The following MRPS5 variants were observed in gnomAD, a reference collection of about 807,000 sequenced individuals.
MRPS5 encodes the protein small ribosomal subunit protein uS5m.
A neutral mutation model predicts 51.9 loss-of-function variants in MRPS5; 27 were observed. The ratio of observed to expected loss-of-function variants is 0.52; its 90% CI spans 0.38 to 0.72. The LOEUF is 0.72. Among genes scored for constraint, MRPS5 ranks in the 30% least tolerant of loss-of-function variants. The pLI, the probability that MRPS5 is intolerant of heterozygous loss-of-function variation, is 0.00. For missense variants in MRPS5, 570 were observed against 545.7 expected (o/e 1.04, Z -0.44); for synonymous variants, 196 against 193.2 (o/e 1.01, Z -0.12).
rs1335843936 is a variant in MRPS5 at position 95,086,429 on chromosome 2, TGGAAA to T, written c.*923_*927del. 2.0e-5 allele frequency among the ~76,000 whole-genome samples: 3 copies of T among 151,748 alleles called. No homozygotes were observed. The highest frequency in any genetic ancestry group is 2.4e-5 in the African/African-American group (1 of 41,262). ...CTGCATGGATGGTTCAAGAGCAGAA[TGGAAA>T]GGAAAGAGTAAATAACCAGTTATTC... is the stretch of plus-strand genomic sequence containing the variant. On this transcript the variant is annotated 3_prime_UTR_variant, in exon 12 of 12. Coordinates refer to ENST00000272418, the MANE Select transcript of MRPS5 (RefSeq NM_031902.5).
chr2:95,090,169 T>G (rs1395525693), intron 11 of MRPS5, among the ~76,000 whole-genome samples: 7 of 99,424 alleles, frequency 7.0e-5, no homozygotes, highest in African/African-American at 2.9e-4. Flanking sequence ...AGAGCGAGAC[T>G]CCGTCTCAAA....
chr2:95,101,680 C>A lies in MRPS5; in HGVS notation c.807G>T (p.Arg269Ser). ...CAAAGAAAAAAAATGTACATACTTT[C>A]CTGAAAGCATCCATCCGATCAGTAG... ...GKATDRMDAFRKAKNRAVHHL... is the reference protein window; with the variant it reads ...GKATDRMDAFSKAKNRAVHHL... The change falls in exon 8 of 12, where the codon AGG becomes AGT. Residue 269 changes from arginine to serine, a missense_variant. Transcript: ENST00000272418. 1 of 1,598,118 alleles carries A rather than the reference C, an allele frequency of 6.3e-7. No individual in the cohort carries two copies.
intron 10 of MRPS5, chr2:95,093,197 G>C (rs551680030): frequency 6.6e-6 from 1 of 152,382 alleles, no homozygotes; most frequent in Non-Finnish European, 1.5e-5. Context: ...TAAACAAAGC[G>C]GCCAGGAAGC....
chr2:95,118,002 A>G, intron 1 of MRPS5, 57 bp from the exon 2 acceptor site: 1 of 1,284,336 alleles, frequency 7.8e-7, no homozygotes, highest in Admixed American at 2.1e-5. Context: ...GGAACATTTT[A>G]AACAGTAACA....
intron 1 of MRPS5, among the ~76,000 whole-genome samples, chr2:95,121,471 C>T (rs1676446779): frequency 6.6e-6 from 1 of 152,244 alleles, no homozygotes; most frequent in Non-Finnish European, 1.5e-5. Flanking sequence ...GCCAAGCACG[C>T]TCAAGCGGTT....
At position 95,087,627 on chromosome 2, in the gene MRPS5, G is replaced by A. The variant is rs541995820; in HGVS notation, c.1069-46C>T. The A allele has an allele frequency of 2.0e-6, 3 of 1,530,202 alleles. No individual in the cohort carries two copies. In the South Asian group the frequency reaches 3.6e-5, roughly 19 times the overall value. 94.8% of individuals were successfully genotyped at this position (1,530,202 alleles called of 1,614,324 possible). The stretch of plus-strand genomic sequence containing the variant: ...AACAGGTTAGGTCTGAAGTACATTT[G>A]CAACATAAAGAGCAGGAACTTCCAC... On this transcript the variant is annotated intron_variant, in intron 11 of 11. Transcript: ENST00000272418.
chr2:95,115,279 TTAC>T, intron 2 of MRPS5, 76 bp from the exon 3 acceptor site: 1 of 1,292,918 alleles, frequency 7.7e-7, no homozygotes, highest in Non-Finnish European at 1.0e-6. Context: ...CAAATAATCA[TTAC>T]TAACAAAAAT....
At position 95,087,380 on chromosome 2, in the gene MRPS5, T is replaced by G; in HGVS notation, c.1270A>C (p.Asn424His). 2 of 1,614,176 alleles carry G rather than the reference T, an allele frequency of 1.2e-6. No individual in the cohort carries two copies. The highest frequency in any genetic ancestry group is 2.2e-5 in the South Asian group (2 of 91,082). ...GGTTACGTGGCGGCTCTCTTCAAAT[T>G]AGACCACACAGAGCGCTTCATTCCC... ...AQGMKRSVWSNLKRAAT is the reference protein window; with the variant it reads ...AQGMKRSVWSHLKRAAT The change falls in exon 12 of 12, where the codon AAT becomes CAT. Residue 424 changes from asparagine to histidine, a missense_variant. Physicochemically the swap from Asn to His is moderately conservative, Grantham distance 68. Coordinates refer to ENST00000272418, the MANE Select transcript of MRPS5 (RefSeq NM_031902.5).
At chr2:95,087,625 T>C (rs1232274718) in intron 11 of MRPS5, 44 bp from the exon 12 acceptor site, 1 of 1,545,828 alleles carries the variant, frequency 6.5e-7, no homozygotes, top group African/African-American at 1.4e-5. Context: ...TGAAGTACAT[T>C]TGCAACATAA....
intron 2 of MRPS5, 86 bp downstream of exon 2, chr2:95,117,779 G>C: frequency 9.1e-7 from 1 of 1,094,258 alleles, no homozygotes; most frequent in Non-Finnish European, 1.3e-6. Context: ...GAAAAAAGCA[G>C]GTGATTACTT....
intron 1 of MRPS5, 126 bp downstream of exon 1, chr2:95,121,608 G>C: frequency 9.5e-6 from 10 of 1,055,396 alleles, no homozygotes; most frequent in Non-Finnish European, 1.3e-5. Flanking sequence ...GGAAGGTGGG[G>C]GCACGGCGTG....
chr2:95,112,828 C>A (rs1388503579), intron 3 of MRPS5, among the ~76,000 whole-genome samples: 2 of 151,740 alleles, frequency 1.3e-5, no homozygotes, highest in African/African-American at 2.4e-5. Flanking sequence ...CAAGGTGAAA[C>A]CCCATCTCTA....
intron 10 of MRPS5, among the ~76,000 whole-genome samples, chr2:95,095,696 A>G (rs1675606050): frequency 6.6e-6 from 1 of 152,238 alleles, no homozygotes; most frequent in South Asian, 2.1e-4. Context: ...TCTGGGACAC[A>G]TTTAAAGCAG....
intron 3 of MRPS5, among the ~76,000 whole-genome samples, chr2:95,112,386 C>T (rs1676147535): frequency 1.3e-5 from 2 of 152,086 alleles, no homozygotes; most frequent in South Asian, 2.1e-4. Context: ...TATATATACA[C>T]ACACATACAT....
intron 5 of MRPS5, 120 bp from the exon 6 acceptor site, chr2:95,106,577 G>T: frequency 1.2e-6 from 1 of 837,424 alleles, no homozygotes; most frequent in South Asian, 1.4e-5. Flanking sequence ...AGATCTTTTG[G>T]TCCCACTCTC....
chr2:95,120,897 A>C (rs190998148), intron 1 of MRPS5, among the ~76,000 whole-genome samples: 2 of 152,270 alleles, frequency 1.3e-5, no homozygotes, highest in Admixed American at 1.3e-4. Context: ...AGGCGGGTGG[A>C]TCACGAGGTC....
chr2:95,116,160 T>C (rs1676280760), intron 2 of MRPS5, among the ~76,000 whole-genome samples: 2 of 151,998 alleles, frequency 1.3e-5, no homozygotes, highest in Non-Finnish European at 2.9e-5. Context: ...CGCCTCGGCC[T>C]CCCAAAGTGC....
At chr2:95,116,430 C>A (rs1221877661) in intron 2 of MRPS5, among the ~76,000 whole-genome samples, 3 of 151,896 alleles carry the variant, frequency 2.0e-5, no homozygotes, top group African/African-American at 4.8e-5. Flanking sequence ...AATAATGTAC[C>A]TTAAAAGGTC....
chr2:95,095,844 A>G (rs1004649782), intron 10 of MRPS5, among the ~76,000 whole-genome samples: 1 of 152,206 alleles, frequency 6.6e-6, no homozygotes, highest in African/African-American at 2.4e-5. Context: ...AAGGCAAGAA[A>G]TAACTAAGAT....
Sources: gnomAD v4.1 joint callset for allele counts (sites outside exome capture counted in the v4.1 genomes callset) on GRCh38, gnomAD v4.1.1 for gene constraint, MANE v1.5 for transcripts, NCBI Gene and HGNC (gene_info 2026-07-23, HGNC 2026-07-21) for gene names.